Variants in ZFPM2 observed in about 807,000 individuals in gnomAD.
The protein encoded by ZFPM2 is zinc finger protein, FOG family member 2.
A neutral mutation model predicts 98.6 loss-of-function variants in ZFPM2; 20 were observed. That is an observed-to-expected ratio of 0.20 (90% CI 0.14 to 0.29). The LOEUF (loss-of-function observed/expected upper bound fraction) is 0.29. ZFPM2 is among the 10% of genes least tolerant of loss of function. The pLI is 1.00. For synonymous variants in ZFPM2, 518 were observed against 502.7 expected (o/e 1.03, Z -0.41); for missense variants, 1,310 against 1,388.6 (o/e 0.94, Z 0.90).
chr8:105,398,038 C>A (rs763803904), intron 1 of ZFPM2, among the ~76,000 whole-genome samples: 1 of 151,960 alleles, frequency 6.6e-6, no homozygotes, highest in Non-Finnish European at 1.5e-5. Context: ...ATCCGCAGGT[C>A]AATTCATGTA....
At chr8:105,597,812 G>A (rs781669868) in intron 4 of ZFPM2, among the ~76,000 whole-genome samples, 3 of 151,892 alleles carry the variant, frequency 2.0e-5, no homozygotes, top group Non-Finnish European at 2.9e-5. Flanking sequence ...CTTTCATTTG[G>A]GAATGATAGT....
chr8:105,729,530 TA>T (rs1811883148), intron 5 of ZFPM2, among the ~76,000 whole-genome samples: 1 of 151,762 alleles, frequency 6.6e-6, no homozygotes, highest in Non-Finnish European at 1.5e-5. Context: ...TACATATTCC[TA>T]CATGTTTTCT....
At chr8:105,570,429 A>G (rs1156350318) in intron 4 of ZFPM2, among the ~76,000 whole-genome samples, 1 of 152,124 alleles carries the variant, frequency 6.6e-6, no homozygotes, top group Non-Finnish European at 1.5e-5. Flanking sequence ...AAAGGAAGAA[A>G]TTAAACACCG....
intron 3 of ZFPM2, among the ~76,000 whole-genome samples, chr8:105,477,744 A>G (rs1308163612): frequency 6.6e-6 from 1 of 152,148 alleles, no homozygotes; most frequent in Non-Finnish European, 1.5e-5. Flanking sequence ...TTTCATGTGC[A>G]TTTGCATTAG....
At chr8:105,797,171 T>TCAAC (rs1813852488) in intron 6 of ZFPM2, 2 of 152,234 alleles carry the variant, frequency 1.3e-5, no homozygotes, top group African/African-American at 4.8e-5. Flanking sequence ...CAATCCCATT[T>TCAAC]CAACCACTGA....
intron 1 of ZFPM2, among the ~76,000 whole-genome samples, chr8:105,351,826 GA>G (rs1217141627): frequency 6.6e-6 from 1 of 151,170 alleles, no homozygotes; most frequent in Non-Finnish European, 1.5e-5. Context: ...TTTCCCTTTG[GA>G]AAAAAGGCTC....
At chr8:105,479,673 T>A (rs1813079663) in intron 3 of ZFPM2, among the ~76,000 whole-genome samples, 1 of 152,210 alleles carries the variant, frequency 6.6e-6, no homozygotes, top group African/African-American at 2.4e-5. Context: ...TTTTTGCAGC[T>A]CATTGGCTTG....
At chr8:105,763,250 G>A (rs1812774764) in intron 5 of ZFPM2, among the ~76,000 whole-genome samples, 1 of 151,722 alleles carries the variant, frequency 6.6e-6, no homozygotes, top group African/African-American at 2.4e-5. Context: ...CAGAATATTA[G>A]CAAGTGCATA....
chr8:105,491,332 A>C (rs1031084330), intron 3 of ZFPM2, among the ~76,000 whole-genome samples: 2 of 152,096 alleles, frequency 1.3e-5, no homozygotes, highest in African/African-American at 2.4e-5. Flanking sequence ...TAATCAAAAA[A>C]CTGCATGTGT....
intron 4 of ZFPM2, among the ~76,000 whole-genome samples, chr8:105,594,680 T>C (rs1224072111): frequency 6.6e-6 from 1 of 152,102 alleles, no homozygotes; most frequent in Non-Finnish European, 1.5e-5. Flanking sequence ...AATTATGGAT[T>C]TGAACTCAGA....
chr8:105,607,028 T>C (rs558472680), intron 4 of ZFPM2, among the ~76,000 whole-genome samples: 1 of 152,246 alleles, frequency 6.6e-6, no homozygotes, highest in South Asian at 2.1e-4. Context: ...ACCATACCAA[T>C]TTTCTAATAA....
intron 5 of ZFPM2, among the ~76,000 whole-genome samples, chr8:105,656,457 TCTC>T (rs1426007621): frequency 6.6e-6 from 1 of 152,158 alleles, no homozygotes; most frequent in African/African-American, 2.4e-5. Context: ...TATAAATAAA[TCTC>T]CTCTGTGTCA....
chr8:105,686,680 A>C (rs1810744182), intron 5 of ZFPM2, among the ~76,000 whole-genome samples: 1 of 152,150 alleles, frequency 6.6e-6, no homozygotes, highest in East Asian at 1.9e-4. Context: ...TAGACAAATA[A>C]CTACTCCCAC....
intron 1 of ZFPM2, among the ~76,000 whole-genome samples, chr8:105,376,314 T>A (rs1353014339): frequency 6.6e-6 from 1 of 152,216 alleles, no homozygotes; most frequent in Non-Finnish European, 1.5e-5. Context: ...CTGCTCAATA[T>A]CTAGACATTG....
intron 1 of ZFPM2, among the ~76,000 whole-genome samples, chr8:105,345,852 G>T (rs1812513472): frequency 6.6e-6 from 1 of 151,910 alleles, no homozygotes; most frequent in Non-Finnish European, 1.5e-5. Context: ...TTTTTTCCTA[G>T]AATGTACCAT....
At chr8:105,383,890 A>T (rs773097314) in intron 1 of ZFPM2, among the ~76,000 whole-genome samples, 1 of 152,298 alleles carries the variant, frequency 6.6e-6, no homozygotes, top group African/African-American at 2.4e-5. Flanking sequence ...CATAATGCTT[A>T]TATTGCTCTT....
chr8:105,364,350 T>C (rs1382059412), intron 1 of ZFPM2, among the ~76,000 whole-genome samples: 2 of 152,070 alleles, frequency 1.3e-5, no homozygotes, highest in Non-Finnish European at 2.9e-5. Flanking sequence ...AAATAATTCA[T>C]GGCAAGTAGG....
chr8:105,766,876 C>T (rs369370342), intron 5 of ZFPM2, among the ~76,000 whole-genome samples: 66 of 151,924 alleles, frequency 4.3e-4, no homozygotes, highest in African/African-American at 1.5e-3. Flanking sequence ...TCCTGCTGAA[C>T]GCTTAGATAC....
chr8:105,579,332 T>G (rs1419136346), intron 4 of ZFPM2, among the ~76,000 whole-genome samples: 1 of 152,178 alleles, frequency 6.6e-6, no homozygotes, highest in Non-Finnish European at 1.5e-5. Context: ...AGCCTTAAGA[T>G]TTTTAAAAAG....
Sources: allele counts gnomAD v4.1 joint callset (sites outside exome capture counted in the v4.1 genomes callset), GRCh38; gene constraint gnomAD v4.1.1; transcripts MANE v1.5; gene names NCBI Gene and HGNC (gene_info 2026-07-23, HGNC 2026-07-21).